LARGE1: variants seen among roughly 807,000 people sequenced by gnomAD.
LARGE1 encodes xylosyl- and glucuronyltransferase LARGE1.
Under a neutral mutation model 87.6 loss-of-function variants are expected in LARGE1, and 43 were observed. That is an observed-to-expected ratio of 0.49 (90% CI 0.38 to 0.63). The LOEUF is 0.63. Among genes scored for constraint, LARGE1 ranks in the 30% least tolerant of loss-of-function variants. The pLI, the probability that LARGE1 is intolerant of heterozygous loss-of-function variation, is 0.00. For synonymous variants in LARGE1, 434 were observed against 394.6 expected (o/e 1.10, Z -1.18); for missense variants, 802 against 1,000.2 (o/e 0.80, Z 2.67).
At chr22:33,322,252 C>T (rs1601439669) in intron 10 of LARGE1, among the ~76,000 whole-genome samples, 1 of 152,222 alleles carries the variant, frequency 6.6e-6, no homozygotes, top group Non-Finnish European at 1.5e-5. Flanking sequence ...GGAGCTGTAT[C>T]CCCTTCATTT....
At chr22:33,883,073 G>A (rs545932876) in intron 1 of LARGE1, among the ~76,000 whole-genome samples, 4 of 152,258 alleles carry the variant, frequency 2.6e-5, no homozygotes, top group South Asian at 2.1e-4. Context: ...AGATATGCTC[G>A]GATGCCAATG....
At chr22:33,366,626 G>A (rs757500362) in intron 9 of LARGE1, among the ~76,000 whole-genome samples, 2 of 152,154 alleles carry the variant, frequency 1.3e-5, no homozygotes, top group African/African-American at 4.8e-5. Flanking sequence ...ATTCATGAGT[G>A]AGACTGGCTT....
At chr22:33,540,227 G>T (rs1375930323) in intron 6 of LARGE1, among the ~76,000 whole-genome samples, 1 of 152,086 alleles carries the variant, frequency 6.6e-6, no homozygotes. Flanking sequence ...CTCCTCCTTC[G>T]ACAAAAACAA....
In LARGE1 at chr22:33,875,283, C is replaced by T. The variant is rs182001542; in HGVS notation, c.-83+44712G>A. Reference sequence around the variant, plus strand: ...AGAGAAAGGCAGGCTGCGGGAACTGCCTGCTTGCAGCTTTATGGGTCAAGC... The same window carrying T: ...AGAGAAAGGCAGGCTGCGGGAACTGTCTGCTTGCAGCTTTATGGGTCAAGC... On this transcript the variant is annotated intron_variant, in intron 1 of 14. Transcript: ENST00000397394. 3.9e-5 allele frequency among the ~76,000 whole-genome samples: 6 copies of T among 152,316 alleles called. No homozygotes were observed. The East Asian group carries it at 1.2e-3, about 29-fold the overall frequency.
the LARGE1 span, among the ~76,000 whole-genome samples, chr22:33,099,275 G>T: frequency 1 from 152,292 of 152,292 alleles, 76,146 homozygotes; most frequent in Non-Finnish European, 1. Flanking sequence ...TTTCTTGAGA[G>T]GGAGTTTTGC....
In LARGE1 at chr22:33,541,449, C is replaced by T. The variant is rs541593956; in HGVS notation, c.787+23399G>A. 4.6e-5 allele frequency among the ~76,000 whole-genome samples: 7 copies of T among 152,276 alleles called. No homozygotes were observed. In the East Asian group the frequency reaches 1.4e-3, roughly 29 times the overall value. ...CACAGAAAAGCATCTGAAATATTAACAATAGCTGACTGTAGGTAGTAGAAA... is the reference window on the plus strand; with the variant it reads ...CACAGAAAAGCATCTGAAATATTAATAATAGCTGACTGTAGGTAGTAGAAA... On this transcript the variant is annotated intron_variant, in intron 6 of 14. Coordinates refer to ENST00000397394, the MANE Select transcript of LARGE1 (RefSeq NM_133642.5).
At chr22:33,557,188 G>T (rs2077715833) in intron 6 of LARGE1, among the ~76,000 whole-genome samples, 1 of 152,116 alleles carries the variant, frequency 6.6e-6, no homozygotes, top group Admixed American at 6.5e-5. Flanking sequence ...GAAGTTAAAT[G>T]ATCTTTCTAA....
intron 2 of LARGE1, among the ~76,000 whole-genome samples, chr22:33,686,542 CAAAAA>C (rs532082764): frequency 2.2e-5 from 1 of 45,556 alleles, no homozygotes. Context: ...GACTCCATCT[CAAAAA>C]AAAAAAAAAA....
chr22:33,451,384 TG>T (rs1326781902), intron 6 of LARGE1, among the ~76,000 whole-genome samples: 1 of 146,788 alleles, frequency 6.8e-6, no homozygotes, highest in Non-Finnish European at 1.5e-5. Flanking sequence ...AATAGCTTTT[TG>T]GGGAACAGGT....
At chr22:33,588,197 T>G (rs766607338) in intron 5 of LARGE1, among the ~76,000 whole-genome samples, 1 of 152,214 alleles carries the variant, frequency 6.6e-6, no homozygotes, top group East Asian at 1.9e-4. Context: ...TCCATCCACG[T>G]AGGCTCCACA....
intron 1 of LARGE1, among the ~76,000 whole-genome samples, chr22:33,822,574 T>G (rs1047389046): frequency 6.6e-6 from 1 of 152,102 alleles, no homozygotes; most frequent in African/African-American, 2.4e-5. Context: ...GGCAGACGTC[T>G]GTAATCCCAG....
At chr22:33,464,945 A>ACGTACACATACACACC (rs2068544979) in intron 6 of LARGE1, among the ~76,000 whole-genome samples, 1 of 152,006 alleles carries the variant, frequency 6.6e-6, no homozygotes, top group Non-Finnish European at 1.5e-5. Flanking sequence ...ACATACACAC[A>ACGTACACATACACACC]CACATACACA....
chr22:33,795,428 G>C (rs924196575), intron 1 of LARGE1, among the ~76,000 whole-genome samples: 7 of 151,356 alleles, frequency 4.6e-5, no homozygotes, highest in African/African-American at 1.7e-4. Context: ...TTTTAGGAGG[G>C]AGAGGGAGAG....
chr22:33,455,418 G>A (rs1476881888), intron 6 of LARGE1, among the ~76,000 whole-genome samples: 1 of 152,064 alleles, frequency 6.6e-6, no homozygotes, highest in Non-Finnish European at 1.5e-5. Context: ...GAAGAGAGTT[G>A]TTTTTCTGAA....
intron 9 of LARGE1, among the ~76,000 whole-genome samples, chr22:33,376,228 A>G (rs2064988241): frequency 6.6e-6 from 1 of 152,232 alleles, no homozygotes; most frequent in Non-Finnish European, 1.5e-5. Context: ...TTTCTAAAGA[A>G]AGCTAGAATA....
intron 1 of LARGE1, among the ~76,000 whole-genome samples, chr22:33,888,622 G>A (rs867294445): frequency 4.7e-4 from 72 of 152,174 alleles, no homozygotes; most frequent in African/African-American, 1.6e-3. Context: ...TTGGGAGGCC[G>A]AGGTGGGAGG....
intron 1 of LARGE1, among the ~76,000 whole-genome samples, chr22:33,796,104 G>A (rs1360769167): frequency 6.6e-6 from 1 of 152,042 alleles, no homozygotes. Flanking sequence ...ACATCTCTGG[G>A]CCTCAGTTTC....
intron 6 of LARGE1, among the ~76,000 whole-genome samples, chr22:33,559,853 G>A (rs1230565704): frequency 6.6e-6 from 1 of 152,124 alleles, no homozygotes; most frequent in Non-Finnish European, 1.5e-5. Flanking sequence ...CGAATCCTGT[G>A]AAAACTACAC....
At chr22:33,317,169 G>A (rs1256095657) in intron 10 of LARGE1, among the ~76,000 whole-genome samples, 3 of 152,150 alleles carry the variant, frequency 2.0e-5, no homozygotes, top group Non-Finnish European at 2.9e-5. Context: ...AGCTGAGATC[G>A]CACCACTGCC....
Sources: gnomAD v4.1 joint callset for allele counts (sites outside exome capture counted in the v4.1 genomes callset) on GRCh38, gnomAD v4.1.1 for gene constraint, MANE v1.5 for transcripts, NCBI Gene and HGNC (gene_info 2026-07-23, HGNC 2026-07-21) for gene names.